Variants in FOCAD observed in about 807,000 individuals in gnomAD.
FOCAD encodes the protein focadhesin, also known as KIAA1797.
FOCAD carries 198 observed loss-of-function variants against 225.6 expected under a neutral mutation model. The ratio of observed to expected loss-of-function variants is 0.88; its 90% CI spans 0.78 to 0.99. The LOEUF (loss-of-function observed/expected upper bound fraction) is 0.99, where lower values mean the gene tolerates loss of function less well. Ranked by LOEUF, FOCAD falls within the 50% of genes least tolerant of loss-of-function variation. The pLI, the probability that FOCAD is intolerant of heterozygous loss-of-function variation, is 0.00. For synonymous variants in FOCAD, 897 were observed against 755.0 expected (o/e 1.19, Z -3.08); for missense variants, 2,713 against 2,123.6 (o/e 1.28, Z -5.46).
At chr9:20,980,274 G>C (rs1173461462) in intron 37 of FOCAD, among the ~76,000 whole-genome samples, 1 of 152,048 alleles carries the variant, frequency 6.6e-6, no homozygotes, top group African/African-American at 2.4e-5. Context: ...GAGGCAAATG[G>C]AGGTCAAGCA....
chr9:20,691,647 A>C (rs1563880099), intron 1 of FOCAD, among the ~76,000 whole-genome samples: 1 of 149,908 alleles, frequency 6.7e-6, no homozygotes, highest in African/African-American at 2.5e-5. Flanking sequence ...ATGCCCAGAT[A>C]ATTTTTTGTA....
At position 20,719,203 on chromosome 9, in the gene FOCAD, T is replaced by TC. The variant is rs562659149; in HGVS notation, c.133-1174dup. Among the ~76,000 whole-genome samples the TC allele has an allele frequency of 2.6e-4, 40 of 152,194 alleles. No individual in the cohort carries two copies. The East Asian group carries it at 7.3e-3, about 28-fold the overall frequency. Reference sequence around the variant, plus strand: ...TTCAAGCAGTTCTCATATCTCAGCCTCCCGAGTAGCTGGGACTACAGGTGT... The same window carrying TC: ...TTCAAGCAGTTCTCATATCTCAGCCTCCCCGAGTAGCTGGGACTACAGGTGT... On this transcript the variant is annotated intron_variant, in intron 3 of 43. Coordinates refer to ENST00000338382, the MANE Select transcript of FOCAD (RefSeq NM_001375567.1).
At chr9:20,751,876 T>G (rs944120443) in intron 5 of FOCAD, among the ~76,000 whole-genome samples, 1 of 144,570 alleles carries the variant, frequency 6.9e-6, no homozygotes. Context: ...GGTATCTCAT[T>G]GTGGTTTTGA....
chr9:20,933,056 G>T lies in FOCAD; in HGVS notation c.3360G>T (p.Ser1120=). The part of the protein sequence containing the change: ...GQEMNLLLMK[S]LDALENCCFD... ...AGATGAACCTTCTTCTGATGAAGTC[G>T]TTGGATGCCCTGGAAAATTGCTGCT... The change falls in exon 28 of 44, where the codon TCG becomes TCT. Residue 1120 remains serine, a synonymous_variant. Transcript: ENST00000338382. 1.2e-6 allele frequency: 2 copies of T among 1,613,922 alleles called. No individual in the cohort carries two copies. Among genetic ancestry groups the T allele is most frequent in the Non-Finnish European group, 1.7e-6 (2 of 1,179,886 alleles).
chr9:20,675,455 C>G (rs1374000791), intron 2 of FOCAD, among the ~76,000 whole-genome samples: 1 of 152,168 alleles, frequency 6.6e-6, no homozygotes, highest in Non-Finnish European at 1.5e-5. Flanking sequence ...TGCAGTGATA[C>G]TATACCTGTA....
intron 15 of FOCAD, among the ~76,000 whole-genome samples, chr9:20,849,204 G>A (rs753346023): frequency 6.6e-6 from 1 of 151,774 alleles, no homozygotes; most frequent in Non-Finnish European, 1.5e-5. Flanking sequence ...TCCTTTCCTA[G>A]ACTCCAGGAC....
intron 14 of FOCAD, among the ~76,000 whole-genome samples, chr9:20,821,668 T>A (rs911849895): frequency 4.0e-5 from 6 of 151,622 alleles, no homozygotes; most frequent in Admixed American, 3.3e-4. Context: ...CATATCCAAA[T>A]TTTTTTTTCT....
intron 15 of FOCAD, among the ~76,000 whole-genome samples, chr9:20,850,421 T>A (rs1349803007): frequency 6.6e-6 from 1 of 151,834 alleles, no homozygotes; most frequent in African/African-American, 2.4e-5. Flanking sequence ...AGGCATTTTT[T>A]ATGTGGATTT....
chr9:20,870,919 T>G (rs968182677), intron 18 of FOCAD, among the ~76,000 whole-genome samples: 4 of 152,132 alleles, frequency 2.6e-5, no homozygotes, highest in African/African-American at 9.7e-5. Flanking sequence ...AAGTAAATTA[T>G]CAGCTGAGTG....
intron 18 of FOCAD, among the ~76,000 whole-genome samples, chr9:20,872,205 A>T (rs913869475): frequency 6.6e-6 from 1 of 152,160 alleles, no homozygotes; most frequent in Non-Finnish European, 1.5e-5. Flanking sequence ...CAGTTACGTG[A>T]ATATGAAATT....
intron 35 of FOCAD, among the ~76,000 whole-genome samples, chr9:20,963,902 G>A (rs972463830): frequency 1.3e-5 from 2 of 152,096 alleles, no homozygotes; most frequent in East Asian, 1.9e-4. Context: ...TTCTTCTCAC[G>A]TTAGAATATA....
intron 5 of FOCAD, among the ~76,000 whole-genome samples, chr9:20,744,704 C>T (rs1586994667): frequency 1.3e-5 from 2 of 152,152 alleles, no homozygotes. Context: ...TTCCAGCGTG[C>T]AGGTAAGGGT....
intron 25 of FOCAD, among the ~76,000 whole-genome samples, chr9:20,924,416 T>A (rs1834749783): frequency 6.6e-6 from 1 of 152,230 alleles, no homozygotes; most frequent in East Asian, 1.9e-4. Flanking sequence ...TTACTACCTC[T>A]ATGGCCTATT....
intron 1 of FOCAD, among the ~76,000 whole-genome samples, chr9:20,705,322 G>T (rs1201749071): frequency 6.6e-6 from 1 of 151,878 alleles, no homozygotes; most frequent in Non-Finnish European, 1.5e-5. Flanking sequence ...CAATACTTGG[G>T]TATTTTATAG....
chr9:20,816,360 C>A (rs947488664), intron 11 of FOCAD, among the ~76,000 whole-genome samples: 11 of 152,056 alleles, frequency 7.2e-5, no homozygotes, highest in African/African-American at 2.7e-4. Context: ...TTTAAGATAA[C>A]CTTCTGTTTT....
At chr9:20,714,604 TTGCC>T (rs199729075) in intron 1 of FOCAD, among the ~76,000 whole-genome samples, 10 of 59,298 alleles carry the variant, frequency 1.7e-4, no homozygotes, top group South Asian at 6.8e-4. Context: ...TTTTGCATGC[TTGCC>T]TGCCTGCCTG....
intron 21 of FOCAD, among the ~76,000 whole-genome samples, chr9:20,899,666 A>G (rs1832400558): frequency 6.6e-6 from 1 of 151,982 alleles, no homozygotes. Context: ...CATTGTTGAT[A>G]CTTCTTGAGC....
At chr9:20,796,462 C>G (rs1821118615) in intron 11 of FOCAD, among the ~76,000 whole-genome samples, 1 of 152,172 alleles carries the variant, frequency 6.6e-6, no homozygotes, top group African/African-American at 2.4e-5. Flanking sequence ...TTCTCCACAT[C>G]CTCTCCAGCA....
At chr9:20,688,667 C>G (rs1472164137) in intron 1 of FOCAD, among the ~76,000 whole-genome samples, 1 of 152,144 alleles carries the variant, frequency 6.6e-6, no homozygotes, top group East Asian at 1.9e-4. Context: ...CTGGGAAACA[C>G]TACCCTGTAG....
Sources: gnomAD v4.1 joint callset for allele counts (sites outside exome capture counted in the v4.1 genomes callset) on GRCh38, gnomAD v4.1.1 for gene constraint, MANE v1.5 for transcripts, NCBI Gene and HGNC (gene_info 2026-07-23, HGNC 2026-07-21) for gene names.